Variants in UBR2 observed in about 807,000 individuals in gnomAD.
The protein encoded by UBR2 is E3 ubiquitin-protein ligase UBR2.
UBR2 carries 92 observed loss-of-function variants against 247.9 expected under a neutral mutation model. The observed-to-expected ratio is 0.37, with a 90% CI of 0.31 to 0.44. The LOEUF is 0.44. Among genes scored for constraint, UBR2 ranks in the 20% least tolerant of loss-of-function variants. The pLI is 1.00. For missense variants in UBR2, 1,613 were observed against 2,112.6 expected, an observed-to-expected ratio of 0.76 and a Z score of 4.64; for synonymous variants, 672 against 693.5, an observed-to-expected ratio of 0.97 and a Z score of 0.49.
At chr6:42,570,240 T>G (rs1409012325) in intron 1 of UBR2, among the ~76,000 whole-genome samples, 1 of 152,204 alleles carries the variant, frequency 6.6e-6, no homozygotes, top group East Asian at 1.9e-4. Context: ...GGTAGTAAAG[T>G]TTTTGGTTTT....
In UBR2 at chr6:42,662,252, A is replaced by G. The variant is rs751857875; in HGVS notation, c.3511A>G (p.Ile1171Val). 2 of 1,608,254 alleles carry G rather than the reference A, an allele frequency of 1.2e-6. No individual in the cohort carries two copies. The highest frequency in any genetic ancestry group is 1.7e-5 in the Admixed American group (1 of 59,332). The stretch of plus-strand genomic sequence containing the variant: ...AACACACACTAGTAGCTGTGGGCAC[A>G]TTATGCATGCCCATTGTTGGCAAAG... Reference protein sequence around the residue: ...CGTHTSSCGHIMHAHCWQRYF... With the variant: ...CGTHTSSCGHVMHAHCWQRYF... Residue 1171 changes from isoleucine to valine, a missense_variant, in exon 31 of 47, where the codon ATT (isoleucine) becomes GTT (valine). Coordinates refer to ENST00000372901, the MANE Select transcript of UBR2 (RefSeq NM_001363705.2).
chr6:42,620,924 C>T (rs1794954361), intron 11 of UBR2, among the ~76,000 whole-genome samples: 1 of 152,118 alleles, frequency 6.6e-6, no homozygotes, highest in Non-Finnish European at 1.5e-5. Flanking sequence ...CCTTCCTCGG[C>T]CTCCTGAGTA....
chr6:42,593,691 C>T (rs139045655), intron 3 of UBR2, among the ~76,000 whole-genome samples: 32 of 152,198 alleles, frequency 2.1e-4, no homozygotes, highest in Non-Finnish European at 4.3e-4. Context: ...TATTACTTGT[C>T]CTTTCAAAGA....
chr6:42,678,009 A>G (rs1798808548), intron 40 of UBR2, among the ~76,000 whole-genome samples: 2 of 152,072 alleles, frequency 1.3e-5, no homozygotes, highest in South Asian at 4.2e-4. Context: ...AGCCTGGACA[A>G]CTTTTCATTT....
chr6:42,593,224 A>G (rs1792778010), intron 3 of UBR2, among the ~76,000 whole-genome samples: 1 of 152,034 alleles, frequency 6.6e-6, no homozygotes, highest in Non-Finnish European at 1.5e-5. Context: ...TGGGCTACTT[A>G]TATTCTTGTC....
At chr6:42,640,398 G>A (rs754836130) in intron 16 of UBR2, 128 bp downstream of exon 16, 10,015 of 220,024 alleles carry the variant, frequency 0.046, 236 homozygotes, top group South Asian at 0.088. Context: ...GTGTGTGTGT[G>A]TGTGTGTGTG....
rs1799769756 is a variant in UBR2, at chr6:42,691,811, C to G, written c.*638C>G. On this transcript the variant is annotated 3_prime_UTR_variant, in exon 47 of 47. Transcript: ENST00000372901. ...TTTTTTTTTCTTTTTTTTTTTATGG[C>G]AAGACTTTTGGCTTTGAGAAAACTC... 1 of 144,116 alleles carries G rather than the reference C, an allele frequency of 6.9e-6. No individual in the cohort carries two copies. Among genetic ancestry groups the G allele is most frequent in the Non-Finnish European group, 1.5e-5 (1 of 66,538 alleles). 8.9% of individuals were successfully genotyped at this position (144,116 alleles called of 1,614,324 possible). A position where few individuals can be genotyped will look rare whatever the true frequency, so the allele number is the denominator to read the frequency against.
At chr6:42,627,105 G>T (rs181937736) in intron 11 of UBR2, among the ~76,000 whole-genome samples, 175 of 152,246 alleles carry the variant, frequency 1.1e-3, no homozygotes, top group South Asian at 3.5e-3. Flanking sequence ...TAGGTTTGGA[G>T]GGCAGGGGGC....
chr6:42,597,149 G>A (rs556476435), intron 4 of UBR2, among the ~76,000 whole-genome samples: 16 of 152,228 alleles, frequency 1.1e-4, no homozygotes, highest in African/African-American at 3.9e-4. Flanking sequence ...CTATCCAACA[G>A]TCCAAGCTCT....
At chr6:42,612,814 T>G (rs984264643) in intron 8 of UBR2, among the ~76,000 whole-genome samples, 1 of 152,146 alleles carries the variant, frequency 6.6e-6, no homozygotes, top group South Asian at 2.1e-4. Flanking sequence ...TTTTAAAAAA[T>G]TTTTGGCCAG....
At chr6:42,670,579 G>C (rs1290465922) in intron 35 of UBR2, 81 bp from the exon 36 acceptor site, 2 of 1,016,232 alleles carry the variant, frequency 2.0e-6, no homozygotes, top group Non-Finnish European at 2.8e-6. Context: ...TAGGATTGGG[G>C]TTTTTTTAAC....
chr6:42,614,418 A>ACATACATACGTATATATGTATGTG (rs1794390261), intron 8 of UBR2, among the ~76,000 whole-genome samples: 1 of 70,748 alleles, frequency 1.4e-5, no homozygotes, highest in Non-Finnish European at 2.9e-5. Flanking sequence ...GTATGTACGT[A>ACATACATACGTATATATGTATGTG]CGTACATATA....
At chr6:42,594,498 T>C (rs1348956820) in intron 4 of UBR2, among the ~76,000 whole-genome samples, 194 bp downstream of exon 4, 8 of 152,226 alleles carry the variant, frequency 5.3e-5, no homozygotes, top group African/African-American at 1.9e-4. Context: ...TTGGGAAATT[T>C]CATTTAATTC....
At position 42,572,778 on chromosome 6, in the gene UBR2, A is replaced by C. The variant is rs186248187; in HGVS notation, c.79-956A>C. Reference sequence around the variant, plus strand: ...TGTCGCCCAGGCTGGATCTTGGCTCACTACAACCTCTGCCTCCTGGGTTTA... The same window carrying C: ...TGTCGCCCAGGCTGGATCTTGGCTCCCTACAACCTCTGCCTCCTGGGTTTA... On this transcript the variant is annotated intron_variant, in intron 1 of 46. Transcript: ENST00000372901. Among the ~76,000 whole-genome samples the C allele has an allele frequency of 7.3e-5, 11 of 150,678 alleles. No individual in the cohort carries two copies. The East Asian group carries it at 2.1e-3, about 29-fold the overall frequency.
chr6:42,566,680 A>G (rs543364989), intron 1 of UBR2, among the ~76,000 whole-genome samples: 2 of 152,016 alleles, frequency 1.3e-5, no homozygotes, highest in South Asian at 4.2e-4. Flanking sequence ...GAGCCACCGC[A>G]CACAGCCTAC....
chr6:42,620,970 A>AT (rs1176999185), intron 11 of UBR2, among the ~76,000 whole-genome samples: 56 of 150,958 alleles, frequency 3.7e-4, no homozygotes, highest in Middle Eastern at 3.4e-3. Context: ...ATACCTGGCT[A>AT]TTTTGTTTGT....
At chr6:42,626,181 G>A (rs926338924) in intron 11 of UBR2, among the ~76,000 whole-genome samples, 1 of 151,390 alleles carries the variant, frequency 6.6e-6, no homozygotes, top group Non-Finnish European at 1.5e-5. Context: ...TTTAGATTTT[G>A]CCATTCTTGC....
Position 42,692,233 on chromosome 6 carries a change from G to T in UBR2, c.*1060G>T, listed in dbSNP as rs1799786278. 1.3e-5 allele frequency: 2 copies of T among 152,054 alleles called. No homozygotes were observed. Among genetic ancestry groups the T allele is most frequent in the Non-Finnish European group, 2.9e-5 (2 of 68,008 alleles). 9.4% of individuals were successfully genotyped at this position (152,054 alleles called of 1,614,324 possible). The stretch of plus-strand genomic sequence containing the variant: ...TCTTGTTATTTCTAAGGCTAAATTG[G>T]CAGAGTATATCATCTAAAGCCAAAC... On this transcript the variant is annotated 3_prime_UTR_variant, in exon 47 of 47. Transcript: ENST00000372901.
intron 33 of UBR2, among the ~76,000 whole-genome samples, 181 bp downstream of exon 33, chr6:42,665,693 CA>C (rs1300439362): frequency 6.6e-6 from 1 of 152,156 alleles, no homozygotes; most frequent in Non-Finnish European, 1.5e-5. Context: ...CTTAAACACA[CA>C]AGCTCATGTG....
Sources: allele counts gnomAD v4.1 joint callset (sites outside exome capture counted in the v4.1 genomes callset), GRCh38; gene constraint gnomAD v4.1.1; transcripts MANE v1.5; gene names NCBI Gene and HGNC (gene_info 2026-07-23, HGNC 2026-07-21).